The following WDR44 variants were observed in gnomAD, a reference collection of about 807,000 sequenced individuals.
The protein encoded by WDR44 is WD repeat-containing protein 44.
Under a neutral mutation model 65.7 loss-of-function variants are expected in WDR44, and 9 were observed. The ratio of observed to expected loss-of-function variants is 0.14; its 90% confidence interval spans 0.08 to 0.24. WDR44 has a LOEUF of 0.24. WDR44 is among the 10% of genes least tolerant of loss of function. WDR44 has a pLI of 1.00. For missense variants in WDR44, 425 were observed against 670.9 expected (o/e 0.63, Z 4.05); for synonymous variants, 220 against 235.2 (o/e 0.94, Z 0.59).
Position 118,429,539 on chromosome X carries a change from A to G in WDR44, c.1738-3242A>G, listed in dbSNP as rs770664137. Among the ~76,000 whole-genome samples, 7 of 107,472 alleles carry G rather than the reference A, an allele frequency of 6.5e-5. No individual in the cohort carries two copies. In the East Asian group the frequency reaches 2.1e-3, roughly 32 times the overall value. 93.3% of individuals were successfully genotyped at this position (107,472 alleles called of 115,157 possible). A position where few individuals can be genotyped will look rare whatever the true frequency, so the allele number is the denominator to read the frequency against. On this transcript the variant is annotated intron_variant, in intron 12 of 19. Transcript: ENST00000254029. ...AGGAGACAGAGGTTGCAGTGAGCCA[A>G]GATCGTGCCACTGCACTCCAGCCTG...
intron 1 of WDR44, among the ~76,000 whole-genome samples, chrX:118,351,442 A>G (rs923219738): frequency 7.1e-5 from 8 of 112,202 alleles, no homozygotes; most frequent in Non-Finnish European, 1.5e-4. Flanking sequence ...TAATTTAAAA[A>G]ATACCTGTGC....
intron 14 of WDR44, among the ~76,000 whole-genome samples, chrX:118,439,117 G>C (rs541429577): frequency 1.8e-5 from 2 of 108,513 alleles, no homozygotes; most frequent in Non-Finnish European, 3.8e-5. Flanking sequence ...GCTTTTATTT[G>C]GTTTTATTTT....
rs146776137 is a variant in WDR44, at chrX:118,416,729, C to T, written c.1737+5770C>T. On this transcript the variant is annotated intron_variant, in intron 12 of 19. Transcript: ENST00000254029. ...TTTGTTCCAAGGTATAGTTTAAATT[C>T]GTTGTTTCTTTGTTGACTTTCTGCC... Among the ~76,000 whole-genome samples, 977 of 111,578 alleles carry T rather than the reference C, an allele frequency of 8.8e-3. 8 individuals are homozygous for T. The highest frequency in any genetic ancestry group is 0.03 in the African/African-American group (926 of 30,706).
At chrX:118,399,755 A>G (rs2056895789) in intron 8 of WDR44, among the ~76,000 whole-genome samples, 1 of 111,715 alleles carries the variant, frequency 9.0e-6, no homozygotes, top group South Asian at 3.7e-4. Context: ...GTAAGTTGAC[A>G]CATAAGAATG....
At chrX:118,372,037 A>G (rs1386385455) in intron 1 of WDR44, among the ~76,000 whole-genome samples, 1 of 107,359 alleles carries the variant, frequency 9.3e-6, no homozygotes, top group Non-Finnish European at 1.9e-5. Context: ...TGGAGAAAAA[A>G]ATATTTTTCT....
intron 19 of WDR44, chrX:118,445,187 C>G: frequency 4.5e-6 from 1 of 220,300 alleles, no homozygotes; most frequent in Non-Finnish European, 8.4e-6. Flanking sequence ...CCTAGCTACT[C>G]GGGATGCTGA....
chrX:118,432,475 A>G (rs1440536181), intron 12 of WDR44, among the ~76,000 whole-genome samples: 1 of 111,784 alleles, frequency 8.9e-6, no homozygotes, highest in Non-Finnish European at 1.9e-5. Flanking sequence ...GCTTAGACCA[A>G]TCATGATTCA....
intron 3 of WDR44, among the ~76,000 whole-genome samples, chrX:118,391,507 T>A (rs2147701292): frequency 8.9e-6 from 1 of 112,325 alleles, no homozygotes; most frequent in Non-Finnish European, 1.9e-5. Context: ...GATGGTTCTA[T>A]GATGCATTCT....
At chrX:118,375,532 AC>A (rs1257586816) in intron 1 of WDR44, among the ~76,000 whole-genome samples, 21 of 108,728 alleles carry the variant, frequency 1.9e-4, no homozygotes, top group East Asian at 8.7e-4. Flanking sequence ...AAAAAAAAAA[AC>A]AAACAGGTTT....
chrX:118,372,340 C>G (rs959608720), intron 1 of WDR44, among the ~76,000 whole-genome samples: 3 of 111,097 alleles, frequency 2.7e-5, no homozygotes, highest in Non-Finnish European at 3.8e-5. Context: ...CCCCATTTCT[C>G]CCTCCCATCC....
At chrX:118,412,433 G>A (rs895778244) in intron 12 of WDR44, among the ~76,000 whole-genome samples, 2 of 111,694 alleles carry the variant, frequency 1.8e-5, no homozygotes, top group Non-Finnish European at 3.8e-5. Flanking sequence ...GTAGTATTGT[G>A]AAGGATAGAC....
chrX:118,437,269 C>T (rs1196783163), intron 14 of WDR44, among the ~76,000 whole-genome samples: 1 of 111,882 alleles, frequency 8.9e-6, no homozygotes, highest in African/African-American at 3.2e-5. Context: ...CTTGATATCC[C>T]TTCTTTATTC....
chrX:118,382,819 A>G (rs2056731839), intron 2 of WDR44, among the ~76,000 whole-genome samples: 1 of 112,204 alleles, frequency 8.9e-6, no homozygotes, highest in South Asian at 3.7e-4. Context: ...TTTTGATACC[A>G]TGATAGATAG....
intron 4 of WDR44, among the ~76,000 whole-genome samples, chrX:118,393,820 TGAGA>T (rs971358887): frequency 8.9e-5 from 10 of 111,777 alleles, no homozygotes; most frequent in Non-Finnish European, 1.5e-4. Context: ...TGTTGCCATC[TGAGA>T]GAGAGTGGCA....
At chrX:118,425,718 A>G (rs1432340612) in intron 12 of WDR44, among the ~76,000 whole-genome samples, 1 of 112,103 alleles carries the variant, frequency 8.9e-6, no homozygotes, top group Non-Finnish European at 1.9e-5. Context: ...TCTGCTACAT[A>G]TTGTATGTGC....
chrX:118,346,451 T>G lies in WDR44; in HGVS notation c.-53T>G. 1 of 1,097,506 alleles carries G rather than the reference T, an allele frequency of 9.1e-7. No individual in the cohort carries two copies. The highest frequency in any genetic ancestry group is 1.3e-6 in the Non-Finnish European group (1 of 794,242). 90.4% of individuals were successfully genotyped at this position (1,097,506 alleles called of 1,213,427 possible). A position where few individuals can be genotyped will look rare whatever the true frequency, so the allele number is the denominator to read the frequency against. The stretch of plus-strand genomic sequence containing the variant: ...GAGGTCGACGAGGAGGAGACAAGAG[T>G]CACCCTTCCTCCAGGCGGCGCCGGC... On this transcript the variant is annotated 5_prime_UTR_variant, in exon 1 of 20. Coordinates refer to ENST00000254029, the MANE Select transcript of WDR44 (RefSeq NM_019045.5).
intron 2 of WDR44, chrX:118,386,334 A>G (rs894774113): frequency 2.0e-5 from 7 of 349,179 alleles, no homozygotes; most frequent in Middle Eastern, 4.6e-4. Context: ...AGATTTGCAA[A>G]TATATGATTG....
intron 12 of WDR44, among the ~76,000 whole-genome samples, chrX:118,427,566 G>A (rs925436304): frequency 9.1e-6 from 1 of 109,716 alleles, no homozygotes; most frequent in Non-Finnish European, 1.9e-5. Flanking sequence ...CACCACACCC[G>A]GCAAAATGGG....
chrX:118,372,852 G>A (rs922280651), intron 1 of WDR44, among the ~76,000 whole-genome samples: 1 of 112,162 alleles, frequency 8.9e-6, no homozygotes, highest in African/African-American at 3.2e-5. Flanking sequence ...ACTTTGAGAG[G>A]CTGAGGAGGG....
Sources: allele counts gnomAD v4.1 joint callset (sites outside exome capture counted in the v4.1 genomes callset), GRCh38; gene constraint gnomAD v4.1.1; transcripts MANE v1.5; gene names NCBI Gene and HGNC (gene_info 2026-07-23, HGNC 2026-07-21).